The following TMEM165 variants were observed in gnomAD, a reference collection of about 807,000 sequenced individuals.
TMEM165 encodes putative divalent cation/proton antiporter TMEM165.
TMEM165 carries 19 observed loss-of-function variants against 30.0 expected under a neutral mutation model. That is an observed-to-expected ratio of 0.63 (90% CI 0.44 to 0.93). The LOEUF is 0.93. TMEM165 is among the 40% of genes least tolerant of loss of function. The pLI is 0.00. For synonymous variants in TMEM165, 168 were observed against 162.9 expected, an observed-to-expected ratio of 1.03 and a Z score of -0.24; for missense variants, 340 against 417.0, an observed-to-expected ratio of 0.82 and a Z score of 1.61.
downstream of TMEM165, among the ~76,000 whole-genome samples, chr4:55,427,645 G>GT (rs374086551): frequency 3.7e-4 from 56 of 152,084 alleles, no homozygotes; most frequent in African/African-American, 1.2e-3. Context: ...GCACCCAACC[G>GT]TTTTTTCTAA....
rs572532650 is a variant in TMEM165 at position 55,442,733 on chromosome 4, G to C, written c.409-9506G>C. On this transcript the variant is annotated intron_variant, in intron 3 of 3. Coordinates refer to the TMEM165 transcript ENST00000608091. ...ATTCTAACAATATGACAATATGACA[G>C]AGAAAGAAGTGGCAGGATATATTAC... 7.2e-5 allele frequency: 77 copies of C among 1,068,002 alleles called. No individual in the cohort carries two copies. The African/African-American group carries it at 1.1e-3, about 15-fold the overall frequency. The allele number at this position is 1,068,002 out of a possible 1,614,324, so 66.2% of individuals were successfully genotyped here.
intron 3 of TMEM165, among the ~76,000 whole-genome samples, chr4:55,448,601 C>CACGCGCGTGT (rs1278800720): frequency 8.5e-6 from 1 of 116,978 alleles, no homozygotes; most frequent in Non-Finnish European, 1.8e-5. Flanking sequence ...CGCACGCGCG[C>CACGCGCGTGT]GTGTGTGTGT....
At chr4:55,413,309 T>A (rs1325263658) in intron 2 of TMEM165, among the ~76,000 whole-genome samples, 1 of 151,750 alleles carries the variant, frequency 6.6e-6, no homozygotes, top group Admixed American at 6.5e-5. Context: ...TAAATTTTTA[T>A]TTATTTATCT....
At chr4:55,416,647 G>A (rs1721741399) in intron 2 of TMEM165, among the ~76,000 whole-genome samples, 1 of 152,128 alleles carries the variant, frequency 6.6e-6, no homozygotes, top group Non-Finnish European at 1.5e-5. Context: ...AAAGATTTGT[G>A]ATGAAGAAAT....
intron 1 of TMEM165, chr4:55,403,247 T>G (rs1220782970): frequency 4.7e-6 from 6 of 1,288,634 alleles, no homozygotes; most frequent in Non-Finnish European, 5.1e-6. Flanking sequence ...GACATCAGTT[T>G]TTTTCTTGGT....
exon 4 of TMEM165, chr4:55,452,803 C>T: frequency 6.2e-6 from 2 of 323,926 alleles, no homozygotes. Context: ...ATAACCTAGC[C>T]AGAGACTAGT....
At chr4:55,444,514 T>C in intron 3 of TMEM165, 2 of 1,190,038 alleles carry the variant, frequency 1.7e-6, no homozygotes, top group Non-Finnish European at 2.5e-6. Flanking sequence ...TGAATATTTA[T>C]TGAACTGAAT....
intron 2 of TMEM165, chr4:55,415,886 A>G (rs1269006065): frequency 1.3e-5 from 2 of 150,556 alleles, no homozygotes; most frequent in East Asian, 3.9e-4. Flanking sequence ...ATGGGATCTC[A>G]CTCTGTTGCC....
intron 3 of TMEM165, chr4:55,432,475 T>C (rs966549032): frequency 5.9e-4 from 15 of 25,422 alleles, no homozygotes; most frequent in East Asian, 2.0e-3. Context: ...GAGGGAAGAC[T>C]TTTTTTTTTT....
intron 1 of TMEM165, among the ~76,000 whole-genome samples, chr4:55,404,964 T>C (rs1721211897): frequency 1.3e-5 from 2 of 152,148 alleles, no homozygotes; most frequent in Admixed American, 1.3e-4. Flanking sequence ...ATATCTCGCA[T>C]CTAGTTAGTA....
At chr4:55,397,317 ATGT>A (rs1720766806) in intron 1 of TMEM165, 1 of 152,080 alleles carries the variant, frequency 6.6e-6, no homozygotes, top group South Asian at 2.1e-4. Context: ...TAGGAGAGTG[ATGT>A]TCAGGTTTCT....
chr4:55,450,464 C>T (rs753036109), intron 3 of TMEM165, among the ~76,000 whole-genome samples: 1 of 152,108 alleles, frequency 6.6e-6, no homozygotes, highest in Non-Finnish European at 1.5e-5. Context: ...ATCTCTTACA[C>T]CATATACAAA....
intron 1 of TMEM165, among the ~76,000 whole-genome samples, chr4:55,397,706 C>CTTTCCTTTCCTT (rs1436618503): frequency 6.7e-6 from 1 of 149,192 alleles, no homozygotes; most frequent in Non-Finnish European, 1.5e-5. Context: ...TTCATTTCTC[C>CTTTCCTTTCCTT]TTTCCTTTCC....
Position 55,445,122 on chromosome 4 carries a change from CACGTTTAACATATGATATGGTCT to C in TMEM165, c.409-7116_409-7094del, listed in dbSNP as rs1284151754. Among the ~76,000 whole-genome samples the C allele has an allele frequency of 4.3e-4, 29 of 68,064 alleles. 8 individuals carry two copies. Among genetic ancestry groups the C allele is most frequent in the South Asian group, 1.3e-3 (2 of 1,504 alleles). 44.7% of individuals were successfully genotyped at this position (68,064 alleles called of 152,430 possible). A position where few individuals can be genotyped will look rare whatever the true frequency, so the allele number is the denominator to read the frequency against. On this transcript the variant is annotated intron_variant, in intron 3 of 3. Coordinates refer to the TMEM165 transcript ENST00000608091. ...GGGAAGCTTTTAATATTTTCTCAACCACGTTTAACATATGATATGGTCTGGTTATTGTTAATTTCTGAAATCAA... is the reference window on the plus strand; with the variant it reads ...GGGAAGCTTTTAATATTTTCTCAACCGGTTATTGTTAATTTCTGAAATCAA...
intron 3 of TMEM165, chr4:55,450,095 A>G (rs1444410094): frequency 9.3e-6 from 15 of 1,614,138 alleles, no homozygotes; most frequent in Non-Finnish European, 1.3e-5. Flanking sequence ...ACTCACAGGA[A>G]GGGTCTGAGA....
intron 4 of TMEM165, among the ~76,000 whole-genome samples, chr4:55,420,591 T>A (rs1209041579): frequency 6.6e-6 from 1 of 152,112 alleles, no homozygotes; most frequent in Non-Finnish European, 1.5e-5. Flanking sequence ...CACACTTCCA[T>A]ACTAACTGCC....
At chr4:55,431,342 G>T (rs1032243387) in intron 3 of TMEM165, 3 of 152,096 alleles carry the variant, frequency 2.0e-5, no homozygotes, top group African/African-American at 7.2e-5. Context: ...GGCATGTAGA[G>T]GGTTCCTATT....
At chr4:55,412,964 A>AT (rs1232108980) in intron 2 of TMEM165, among the ~76,000 whole-genome samples, 1 of 151,788 alleles carries the variant, frequency 6.6e-6, no homozygotes, top group Admixed American at 6.6e-5. Flanking sequence ...TGATAGGGCT[A>AT]TTTTTTATTT....
intron 1 of TMEM165, among the ~76,000 whole-genome samples, chr4:55,405,320 GT>G (rs1421473340): frequency 6.6e-6 from 1 of 152,110 alleles, no homozygotes; most frequent in Admixed American, 6.5e-5. Flanking sequence ...AAGAAAGTTG[GT>G]TTTCTTTTAC....
Sources: allele counts gnomAD v4.1 joint callset (sites outside exome capture counted in the v4.1 genomes callset), GRCh38; gene constraint gnomAD v4.1.1; transcripts MANE v1.5; gene names NCBI Gene and HGNC (gene_info 2026-07-23, HGNC 2026-07-21).